Variants in TRPM1 observed in about 807,000 individuals in gnomAD.
TRPM1 encodes TRPM1-203 APA Isoform, Intron 10.
In TRPM1, 113 loss-of-function variants were observed where a neutral mutation model predicts 149.4. The ratio of observed to expected loss-of-function variants is 0.76; its 90% CI spans 0.65 to 0.88. TRPM1 has a LOEUF of 0.88. Among genes scored for constraint, TRPM1 ranks in the 40% least tolerant of loss-of-function variants. TRPM1 has a pLI of 0.00. For missense variants in TRPM1, 1,976 were observed against 2,038.7 expected (o/e 0.97, Z 0.59); for synonymous variants, 741 against 759.5 (o/e 0.98, Z 0.40).
intron 1 of TRPM1, among the ~76,000 whole-genome samples, chr15:31,082,188 C>A (rs1019749912): frequency 1.3e-5 from 2 of 152,214 alleles, no homozygotes; most frequent in African/African-American, 4.8e-5. Context: ...CCTCCCCACC[C>A]CCATTAGGTG....
intron 1 of TRPM1, among the ~76,000 whole-genome samples, chr15:31,119,856 A>G (rs1042931979): frequency 6.6e-6 from 1 of 152,172 alleles, no homozygotes; most frequent in Non-Finnish European, 1.5e-5. Flanking sequence ...CACTAAAAAG[A>G]TAATTAATAT....
chr15:31,132,440 A>G (rs1029510607), intron 1 of TRPM1, among the ~76,000 whole-genome samples: 11 of 152,362 alleles, frequency 7.2e-5, no homozygotes, highest in African/African-American at 2.4e-4. Flanking sequence ...GCAACAGAGT[A>G]GCCACTGGCT....
At chr15:31,053,725 C>T (rs913304011) in intron 11 of TRPM1, among the ~76,000 whole-genome samples, 1 of 152,172 alleles carries the variant, frequency 6.6e-6, no homozygotes, top group Non-Finnish European at 1.5e-5. Flanking sequence ...ACCGTGTGAT[C>T]AATGGTTTCA....
chr15:31,049,441 C>T lies in TRPM1; in HGVS notation c.1506G>A (p.Leu502=), dbSNP rs2033877666. ...VLDRVDFVKL[L]IENGVNMQHF... is the part of the protein sequence containing the mutation. ...GTTGCATGTTCACTCCGTTTTCAATCAGGAGCTTCACAAAGTCGACACGAT... is the reference window on the plus strand; with the variant it reads ...GTTGCATGTTCACTCCGTTTTCAATTAGGAGCTTCACAAAGTCGACACGAT... The change falls in exon 13 of 28, where the codon CTG becomes CTA. Residue 502 remains leucine (L), a synonymous_variant. Transcript: ENST00000256552. 6.2e-7 allele frequency: 1 copy of T among 1,614,042 alleles called. No individual in the cohort carries two copies. Among genetic ancestry groups the T allele is most frequent in the South Asian group, 1.1e-5 (1 of 91,086 alleles).
intron 11 of TRPM1, among the ~76,000 whole-genome samples, chr15:31,052,714 G>A (rs2033979115): frequency 6.6e-6 from 1 of 152,192 alleles, no homozygotes; most frequent in Non-Finnish European, 1.5e-5. Context: ...GGAAGAGGTT[G>A]CAGTGAGCTG....
In TRPM1 at chr15:31,040,576, A is replaced by G. The variant is rs920812093; in HGVS notation, c.2088-230T>C. On this transcript the variant is annotated intron_variant, in intron 17 of 27. Transcript: ENST00000256552. This position sits in a 1 kb window ranked among gnomAD's most constrained non-coding sequence, Gnocchi z 4.2. ...AGGTGGGCTGACTGCTACTGCTGCA[A>G]ATGGAGCTGTAGGTTGAGACCACAT... Among the ~76,000 whole-genome samples, 3 of 152,226 alleles carry G rather than the reference A, an allele frequency of 2.0e-5. No homozygotes were observed. Among genetic ancestry groups the G allele is most frequent in the Admixed American group, 6.5e-5 (1 of 15,290 alleles).
intron 1 of TRPM1, among the ~76,000 whole-genome samples, chr15:31,143,936 C>T (rs1316684972): frequency 1.3e-5 from 2 of 152,082 alleles, no homozygotes; most frequent in African/African-American, 4.8e-5. Flanking sequence ...CTCTTTATAA[C>T]AGGATACAAT....
At chr15:31,030,664 C>T (rs570118509) in intron 23 of TRPM1, among the ~76,000 whole-genome samples, 1 of 152,252 alleles carries the variant, frequency 6.6e-6, no homozygotes, top group South Asian at 2.1e-4. Context: ...CACTATCAGC[C>T]TTATCCTGGG....
intron 27 of TRPM1, among the ~76,000 whole-genome samples, chr15:31,015,033 A>C (rs570356705): frequency 3.9e-4 from 59 of 152,198 alleles, no homozygotes; most frequent in Admixed American, 8.5e-4. Flanking sequence ...TAGAAAGGGA[A>C]AAAGGTACTC....
chr15:31,117,179 A>G (rs565810212), intron 1 of TRPM1, among the ~76,000 whole-genome samples: 2 of 152,180 alleles, frequency 1.3e-5, no homozygotes, highest in African/African-American at 4.8e-5. Flanking sequence ...GCAAAACCCC[A>G]TCTCTACTAA....
rs553513543 is a variant in TRPM1 at position 31,121,737 on chromosome 15, C to T, written c.54+39169G>A. On this transcript the variant is annotated intron_variant, in intron 1 of 26. Transcript: ENST00000542188. ...TGTTTCACTGGTGAATTATACCATA[C>T]GTCTGAGGAAGAAAATATACCAATT... Among the ~76,000 whole-genome samples, 10 of 152,182 alleles carry T rather than the reference C, an allele frequency of 6.6e-5. No homozygotes were observed. In the East Asian group the frequency reaches 7.7e-4, roughly 12 times the overall value.
chr15:31,097,255 C>T (rs559052963), intron 1 of TRPM1, among the ~76,000 whole-genome samples: 1 of 142,114 alleles, frequency 7.0e-6, no homozygotes, highest in East Asian at 2.3e-4. Flanking sequence ...ACTACGTCCA[C>T]CAAAGGCATT....
intron 1 of TRPM1, among the ~76,000 whole-genome samples, chr15:31,113,339 T>C (rs193036622): frequency 6.6e-6 from 1 of 152,126 alleles, no homozygotes; most frequent in East Asian, 1.9e-4. Flanking sequence ...GGGAAAGACT[T>C]GGAAAGAGCC....
At chr15:31,067,008 C>G (rs1567030147) in intron 6 of TRPM1, 55 bp downstream of exon 6, 1 of 1,610,622 alleles carries the variant, frequency 6.2e-7, no homozygotes, top group East Asian at 2.2e-5. Flanking sequence ...ACGGTTACCT[C>G]AAAATCAATC....
intron 3 of TRPM1, among the ~76,000 whole-genome samples, chr15:31,071,241 TGGTGGAGATG>T (rs892751704): frequency 6.6e-6 from 1 of 152,136 alleles, no homozygotes; most frequent in Admixed American, 6.5e-5. Context: ...AGTGATGCCT[TGGTGGAGATG>T]GAATCCAGGG....
chr15:31,060,504 G>T, intron 11 of TRPM1, 40 bp downstream of exon 11: 1 of 1,544,692 alleles, frequency 6.5e-7, no homozygotes, highest in Non-Finnish European at 8.9e-7. Context: ...CTTGTACAAA[G>T]TCAAGATCAA....
At chr15:31,087,093 TG>T (rs1009493928) in intron 1 of TRPM1, among the ~76,000 whole-genome samples, 3 of 151,936 alleles carry the variant, frequency 2.0e-5, no homozygotes, top group African/African-American at 7.3e-5. Context: ...GGTGAGGATG[TG>T]GAGAAATCGG....
In TRPM1 at chr15:31,068,012, C is replaced by G; in HGVS notation, c.360G>C (p.Lys120Asn). ...GGCCTCCATGCACAGATATTAAGAG[C>G]TTGGGGAGTTCCAGCTGCCAATCTT... is the stretch of plus-strand genomic sequence containing the variant. Reference protein sequence around the residue: ...MVKDWQLELPKLLISVHGGLQ... With the variant: ...MVKDWQLELPNLLISVHGGLQ... The change falls in exon 5 of 28, where the codon AAG (lysine) becomes AAC (asparagine). Residue 120 changes from lysine (K) to asparagine (N), a missense_variant. This residue lies in a region of TRPM1 where 1,332 missense variants were observed against 1,347.1 expected (regional missense o/e 0.99). Coordinates refer to ENST00000256552, the MANE Select transcript of TRPM1 (RefSeq NM_001252024.2). 1 of 1,614,184 alleles carries G rather than the reference C, an allele frequency of 6.2e-7. No homozygotes were observed. The highest frequency in any genetic ancestry group is 8.5e-7 in the Non-Finnish European group (1 of 1,180,038).
Position 31,070,071 on chromosome 15 carries a change from A to G in TRPM1, c.239T>C (p.Val80Ala), listed in dbSNP as rs1362754036. The change falls in exon 4 of 28, where the codon GTT becomes GCT. Residue 80 changes from valine to alanine, a missense_variant. Transcript: ENST00000256552. ...ATATCCGCCACCCTGGAATTCAAGA[A>G]CTCCATAGGAATCTGTTGGGTAGCT... ...TQSYPTDSYGVLEFQGGGYSN... is the reference protein window; with the variant it reads ...TQSYPTDSYGALEFQGGGYSN... 2 of 1,613,974 alleles carry G rather than the reference A, an allele frequency of 1.2e-6. No individual in the cohort carries two copies. The highest frequency in any genetic ancestry group is 1.3e-5 in the African/African-American group (1 of 74,940).
Sources: allele counts gnomAD v4.1 joint callset (sites outside exome capture counted in the v4.1 genomes callset), GRCh38; gene constraint gnomAD v4.1.1; regional missense constraint gnomAD v4.1.1; non-coding constraint Gnocchi (gnomAD v3.1); transcripts MANE v1.5; gene names NCBI Gene and HGNC (gene_info 2026-07-23, HGNC 2026-07-21).